MASP1: variants seen among roughly 807,000 people sequenced by gnomAD.
MASP1 encodes the protein MBL associated serine protease 1, also known as mannan-binding lectin serine protease 1.
MASP1 carries 59 observed loss-of-function variants against 77.1 expected under a neutral mutation model. The observed-to-expected ratio is 0.77, with a 90% CI of 0.62 to 0.95. The LOEUF is 0.95. Ranked by LOEUF, MASP1 falls within the 40% of genes least tolerant of loss-of-function variation. The probability of loss-of-function intolerance (pLI) is 0.00; values close to 1 mark genes in which losing one functional copy is unlikely to be tolerated. For missense variants in MASP1, 885 were observed against 912.9 expected (o/e 0.97, Z 0.39); for synonymous variants, 362 against 354.5 (o/e 1.02, Z -0.24).
chr3:187,247,009 C>G, intron 8 of MASP1: 1 of 1,259,532 alleles, frequency 7.9e-7, no homozygotes, highest in African/African-American at 1.5e-5. Context: ...TATATTAAAT[C>G]TTTTGTCTCA....
chr3:187,250,434 G>C, intron 7 of MASP1, 105 bp from the exon 8 acceptor site: 2 of 856,526 alleles, frequency 2.3e-6, no homozygotes, highest in East Asian at 2.4e-5. Context: ...TCTTGATCTC[G>C]ACTGAGATTT....
chr3:187,246,402 G>A, intron 8 of MASP1: 12 of 985,408 alleles, frequency 1.2e-5, no homozygotes, highest in Non-Finnish European at 1.4e-5. Context: ...GTCTTTAGTA[G>A]CCAGCCCATC....
At chr3:187,261,665 T>C (rs13093697) in intron 3 of MASP1, among the ~76,000 whole-genome samples, 42,029 of 152,168 alleles carry the variant, frequency 0.28, 6,826 homozygotes, top group Admixed American at 0.4. Context: ...GGTCTGGCAA[T>C]GTCTCATAAA....
chr3:187,267,645 C>A (rs76400858), intron 2 of MASP1, among the ~76,000 whole-genome samples: 1 of 152,228 alleles, frequency 6.6e-6, no homozygotes, highest in African/African-American at 2.4e-5. Context: ...CCAACAGTGG[C>A]CCATGCCTAT....
At chr3:187,225,128 G>A (rs1374117789) in intron 13 of MASP1, among the ~76,000 whole-genome samples, 1 of 152,194 alleles carries the variant, frequency 6.6e-6, no homozygotes, top group Non-Finnish European at 1.5e-5. Context: ...CCTTAGGTCT[G>A]ACTGTTTACT....
At chr3:187,286,470 A>G (rs1407376277) in intron 1 of MASP1, among the ~76,000 whole-genome samples, 1 of 152,240 alleles carries the variant, frequency 6.6e-6, no homozygotes, top group Non-Finnish European at 1.5e-5. Flanking sequence ...CATTGATGGA[A>G]TCTGTAGTAC....
At chr3:187,251,398 G>T in intron 7 of MASP1, 1 of 520,782 alleles carries the variant, frequency 1.9e-6, no homozygotes. Context: ...ATTCAAACCA[G>T]CTCATGCTCT....
chr3:187,278,716 A>T (rs1717166346), intron 2 of MASP1, among the ~76,000 whole-genome samples: 2 of 152,092 alleles, frequency 1.3e-5, no homozygotes, highest in Non-Finnish European at 2.9e-5. Context: ...TTCCTCTCCC[A>T]TACGCAGCCA....
Position 187,220,122 on chromosome 3 carries a change from G to T in MASP1, c.2049C>A (p.Tyr683Ter), listed in dbSNP as rs778414985. The stretch of plus-strand genomic sequence containing the variant: ...GGATCCAGTCCTTGTTGTGGTGGAT[G>T]TAAGAGTATACTCCGTAGCGGTCCT... Residue 683 changes from tyrosine (Y) to a stop codon, truncating the protein, a stop_gained, in exon 16 of 16, where the codon TAC becomes TAA. Coordinates refer to the MASP1 transcript ENST00000337774. LOFTEE classifies it high-confidence loss of function. 6.2e-7 allele frequency: 1 copy of T among 1,614,134 alleles called. No individual in the cohort carries two copies. Among genetic ancestry groups the T allele is most frequent in the South Asian group, 1.1e-5 (1 of 91,074 alleles).
intron 2 of MASP1, among the ~76,000 whole-genome samples, chr3:187,264,248 G>C (rs779676767): frequency 6.6e-6 from 1 of 152,234 alleles, no homozygotes; most frequent in Admixed American, 6.5e-5. Flanking sequence ...GGGAATTGAA[G>C]TGTAAACAGA....
intron 2 of MASP1, among the ~76,000 whole-genome samples, chr3:187,282,049 C>G (rs1308176721): frequency 6.6e-6 from 1 of 152,180 alleles, no homozygotes; most frequent in African/African-American, 2.4e-5. Context: ...CTGACCTCCT[C>G]TTCTGTCCAA....
At position 187,234,890 on chromosome 3, in the gene MASP1, A is replaced by T. The variant is rs983681922; in HGVS notation, c.*794T>A. The T allele has an allele frequency of 1.6e-5, 20 of 1,287,048 alleles. No individual in the cohort carries two copies. The highest frequency in any genetic ancestry group is 2.0e-5 in the Non-Finnish European group (20 of 988,668). 79.7% of individuals were successfully genotyped at this position (1,287,048 alleles called of 1,614,324 possible). On this transcript the variant is annotated 3_prime_UTR_variant, in exon 11 of 11. Transcript: ENST00000296280. ...TCTGGAGCAGCAGGTGTGGACGCCC[A>T]TGGTGTCAGCTGGTGTTCCAGGGTG...
At chr3:187,217,303 A>G (rs1378413590) in exon 16 of MASP1, 1 of 152,240 alleles carries the variant, frequency 6.6e-6, no homozygotes, top group Non-Finnish European at 1.5e-5. Context: ...GCAGATGTTT[A>G]TTAGAACTAA....
exon 16 of MASP1, chr3:187,220,207 C>A: frequency 1.2e-6 from 2 of 1,614,208 alleles, no homozygotes; most frequent in South Asian, 2.2e-5. Flanking sequence ...GCCTCTTTCT[C>A]TATTCAGGGT....
chr3:187,225,626 C>T, intron 12 of MASP1: 2 of 989,800 alleles, frequency 2.0e-6, no homozygotes, highest in Non-Finnish European at 3.2e-6. Flanking sequence ...TTAGCCCTTT[C>T]ACTGCCTTCA....
At chr3:187,278,669 G>C (rs527458053) in intron 2 of MASP1, among the ~76,000 whole-genome samples, 1 of 152,144 alleles carries the variant, frequency 6.6e-6, no homozygotes, top group African/African-American at 2.4e-5. Context: ...CCAATAAGTT[G>C]TCATAACTGG....
rs3733003 is a variant in MASP1, at chr3:187,221,403, T to A, written c.1810-269A>T. ...GCCCTCTCTGGGCCTCAGATCTCTC[T>A]TCAGTAAGATAGAGGTAATAATACT... On this transcript the variant is annotated intron_variant, in intron 14 of 15. Coordinates refer to the MASP1 transcript ENST00000337774. Among the ~76,000 whole-genome samples the A allele has an allele frequency of 0.36, 54,418 of 152,088 alleles. 11,100 individuals carry two copies. The highest frequency in any genetic ancestry group is 0.69 in the East Asian group (3,557 of 5,164).
At chr3:187,241,404 G>T in intron 10 of MASP1, 77 bp downstream of exon 10, 1 of 1,184,142 alleles carries the variant, frequency 8.4e-7, no homozygotes, top group South Asian at 1.2e-5. Context: ...CCATCACCCT[G>T]TTAACAGCCA....
intron 2 of MASP1, among the ~76,000 whole-genome samples, chr3:187,278,629 C>A (rs940220767): frequency 6.6e-6 from 1 of 152,204 alleles, no homozygotes; most frequent in South Asian, 2.1e-4. Context: ...CACATCTTCA[C>A]GTTCCTGATC....
Sources: allele counts gnomAD v4.1 joint callset (sites outside exome capture counted in the v4.1 genomes callset), GRCh38; gene constraint gnomAD v4.1.1; transcripts MANE v1.5; gene names NCBI Gene and HGNC (gene_info 2026-07-23, HGNC 2026-07-21).